INPP4A: variants seen among roughly 807,000 people sequenced by gnomAD.
INPP4A encodes the protein inositol polyphosphate-4-phosphatase, type I, 107kD.
In INPP4A, 33 loss-of-function variants were observed where a neutral mutation model predicts 119.8. The observed-to-expected ratio is 0.28, with a 90% CI of 0.21 to 0.37. The LOEUF is 0.37. Ranked by LOEUF, INPP4A falls within the 10% of genes least tolerant of loss-of-function variation. The probability of loss-of-function intolerance (pLI) is 1.00; values close to 1 mark genes in which losing one functional copy is unlikely to be tolerated. For missense variants in INPP4A, 956 were observed against 1,289.9 expected (o/e 0.74, Z 3.97); for synonymous variants, 496 against 500.7 (o/e 0.99, Z 0.12).
In INPP4A at chr2:98,546,182, C is replaced by T. The variant is rs2106101928; in HGVS notation, c.1054+109C>T. ...TGCCCATTTCCCTGTGTGCTCTGGGCGGCTCGGAGGAGAGATTTGTCACAA... is the reference window on the plus strand; with the variant it reads ...TGCCCATTTCCCTGTGTGCTCTGGGTGGCTCGGAGGAGAGATTTGTCACAA... On this transcript the variant is annotated intron_variant, in intron 12 of 24. Coordinates refer to ENST00000409851, the MANE Select transcript of INPP4A (RefSeq NM_001134225.2). This position sits in a 1 kb window ranked among gnomAD's most constrained non-coding sequence, Gnocchi z 4.2. The T allele has an allele frequency of 4.0e-6, 3 of 749,886 alleles. No individual in the cohort carries two copies. The highest frequency in any genetic ancestry group is 2.2e-6 in the Non-Finnish European group (1 of 449,528). The allele number at this position is 749,886 out of a possible 1,614,324, so 46.5% of individuals were successfully genotyped here.
chr2:98,539,405 C>A, intron 9 of INPP4A, 123 bp from the exon 10 acceptor site: 1 of 1,086,602 alleles, frequency 9.2e-7, no homozygotes, highest in Non-Finnish European at 1.3e-6. Flanking sequence ...TTTTAATTCC[C>A]ATGAGATGAA....
At position 98,520,558 on chromosome 2, in the gene INPP4A, TAAAG is replaced by T. The variant is rs1001925849; in HGVS notation, c.107-125_107-122del. 11 of 685,656 alleles carry T rather than the reference TAAAG, an allele frequency of 1.6e-5. 1 individual carries two copies. The highest frequency in any genetic ancestry group is 1.2e-4 in the South Asian group (7 of 57,986). The allele number at this position is 685,656 out of a possible 1,614,324, so 42.5% of individuals were successfully genotyped here. A position where few individuals can be genotyped will look rare whatever the true frequency, so the allele number is the denominator to read the frequency against. On this transcript the variant is annotated intron_variant, in intron 3 of 24. Transcript: ENST00000409851. ...TCTCAAAAACAAAATATTTTTAAAA[TAAAG>T]AAATTGTCTTGCATGGCAGTTTTTG...
At chr2:98,458,161 G>A (rs1438629497) in intron 1 of INPP4A, among the ~76,000 whole-genome samples, 4 of 151,980 alleles carry the variant, frequency 2.6e-5, no homozygotes, top group Non-Finnish European at 5.9e-5. Context: ...GCAAAATAGT[G>A]AAACTTCATC....
chr2:98,546,072 A>G lies in INPP4A; in HGVS notation c.1053A>G (p.Ser351=). ...TGAGAGTTCAAGACGATGGAGGATC[A>G]GGTACCTATTTTTCTGCTCCCTCTT... is the stretch of plus-strand genomic sequence containing the variant. ...QRMRVQDDGG[S]DQNYDIVTIG... is the part of the protein sequence containing the mutation. Residue 351 remains serine, a splice_region_variant and synonymous_variant, in exon 12 of 25, where the codon TCA becomes TCG. Coordinates refer to ENST00000409851, the MANE Select transcript of INPP4A (RefSeq NM_001134225.2). The surrounding 1 kb of genome is among the most constrained non-coding windows in gnomAD (Gnocchi z 4.2). 1 of 1,566,832 alleles carries G rather than the reference A, an allele frequency of 6.4e-7. No homozygotes were observed. The highest frequency in any genetic ancestry group is 8.7e-7 in the Non-Finnish European group (1 of 1,153,186).
rs1695881882 is a variant in INPP4A at position 98,563,591 on chromosome 2, C to T, written c.1982C>T (p.Thr661Ile). ...LMQDSAPTIATYLSLQYRRDV... is the reference protein window; with the variant it reads ...LMQDSAPTIAIYLSLQYRRDV... ...CAGGACAGCGCGCCCACCATAGCCA[C>T]CTACCTGAGCCTGCAGTACCGCCGT... Residue 661 changes from threonine (T) to isoleucine (I), a missense_variant, in exon 18 of 25, where the codon ACC (threonine) becomes ATC (isoleucine). By Grantham distance (89) the Thr-to-Ile change is moderately conservative. Transcript: ENST00000409851. 1.2e-6 allele frequency: 2 copies of T among 1,613,524 alleles called. No individual in the cohort carries two copies. Among genetic ancestry groups the T allele is most frequent in the Non-Finnish European group, 1.7e-6 (2 of 1,179,884 alleles).
Position 98,558,802 on chromosome 2 carries a change from A to T in INPP4A, c.1823-661A>T, listed in dbSNP as rs113034502. On this transcript the variant is annotated intron_variant, in intron 16 of 24. Transcript: ENST00000409851. ...ATTGAAGTAAGTACATCCCAGTGTG[A>T]CTTAGTATAGGTGAAATGGAATCAA... Among the ~76,000 whole-genome samples the T allele has an allele frequency of 3.0e-3, 450 of 152,378 alleles. 3 individuals carry two copies. Among genetic ancestry groups the T allele is most frequent in the Admixed American group, 9.1e-3 (139 of 15,304 alleles).
At chr2:98,567,763 A>G (rs2106376182) in intron 21 of INPP4A, among the ~76,000 whole-genome samples, 1 of 152,290 alleles carries the variant, frequency 6.6e-6, no homozygotes, top group African/African-American at 2.4e-5. Flanking sequence ...AGGGGAGGCC[A>G]CAGGCCCAGA....
intron 5 of INPP4A, among the ~76,000 whole-genome samples, 163 bp from the exon 6 acceptor site, chr2:98,535,566 G>A (rs537381189): frequency 2.0e-5 from 3 of 152,128 alleles, no homozygotes; most frequent in Admixed American, 6.5e-5. Context: ...GAGTTTTTTT[G>A]TTTGTTTGTT....
At chr2:98,454,927 G>A (rs1202673330) in intron 1 of INPP4A, among the ~76,000 whole-genome samples, 3 of 152,102 alleles carry the variant, frequency 2.0e-5, no homozygotes, top group Admixed American at 6.5e-5. Context: ...TTCATTCTTC[G>A]TGCTCTGTGT....
intron 1 of INPP4A, among the ~76,000 whole-genome samples, chr2:98,510,905 C>G (rs1282825369): frequency 6.6e-6 from 1 of 152,198 alleles, no homozygotes; most frequent in East Asian, 1.9e-4. Context: ...TGTCCATCAT[C>G]ACTGGCAGAC....
chr2:98,467,469 C>G (rs1675032058), intron 1 of INPP4A, among the ~76,000 whole-genome samples: 1 of 152,148 alleles, frequency 6.6e-6, no homozygotes, highest in Non-Finnish European at 1.5e-5. Flanking sequence ...TATTATGTTG[C>G]TGTTAAGACT....
chr2:98,514,077 A>G (rs1685642785), intron 1 of INPP4A, among the ~76,000 whole-genome samples: 1 of 152,236 alleles, frequency 6.6e-6, no homozygotes, highest in Admixed American at 6.5e-5. Flanking sequence ...ACTGTGGTAG[A>G]GAGTGGGTCA....
At chr2:98,471,178 G>T (rs1193749459) in intron 1 of INPP4A, among the ~76,000 whole-genome samples, 1 of 152,206 alleles carries the variant, frequency 6.6e-6, no homozygotes, top group Non-Finnish European at 1.5e-5. Flanking sequence ...TGGTGTGCCT[G>T]TGCGTGCATG....
At chr2:98,559,425 C>T in intron 16 of INPP4A, 38 bp from the exon 17 acceptor site, 1 of 1,613,134 alleles carries the variant, frequency 6.2e-7, no homozygotes, top group Non-Finnish European at 8.5e-7. Context: ...CTGTGTGCTG[C>T]TCCTTAATCA....
At chr2:98,524,022 T>C (rs796597617) in intron 4 of INPP4A, among the ~76,000 whole-genome samples, 4 of 152,328 alleles carry the variant, frequency 2.6e-5, no homozygotes, top group African/African-American at 7.2e-5. Context: ...TGGGATCTGC[T>C]TGATCATTTT....
At chr2:98,494,810 A>G (rs560406823) in intron 1 of INPP4A, among the ~76,000 whole-genome samples, 49 of 152,366 alleles carry the variant, frequency 3.2e-4, no homozygotes, top group African/African-American at 1.1e-3. Flanking sequence ...ATGTAGAACA[A>G]TGTATGCCCT....
chr2:98,475,830 G>A (rs1677090507), intron 1 of INPP4A, among the ~76,000 whole-genome samples: 1 of 152,184 alleles, frequency 6.6e-6, no homozygotes, highest in Non-Finnish European at 1.5e-5. Flanking sequence ...GGGGGAGCCT[G>A]TGTGTCCACC....
At chr2:98,459,378 T>C (rs888205404) in intron 1 of INPP4A, among the ~76,000 whole-genome samples, 2 of 152,080 alleles carry the variant, frequency 1.3e-5, no homozygotes, top group Non-Finnish European at 2.9e-5. Context: ...AAAAACAACA[T>C]GAAAGTAAGA....
At chr2:98,552,757 C>T (rs1365944959) in intron 13 of INPP4A, 29 bp from the exon 14 acceptor site, 1 of 1,546,580 alleles carries the variant, frequency 6.5e-7, no homozygotes, top group Non-Finnish European at 8.9e-7. Context: ...TCTGGAGAAT[C>T]CCTTAGAATC....
Sources: allele counts gnomAD v4.1 joint callset (sites outside exome capture counted in the v4.1 genomes callset), GRCh38; gene constraint gnomAD v4.1.1; non-coding constraint Gnocchi (gnomAD v3.1); transcripts MANE v1.5; gene names NCBI Gene and HGNC (gene_info 2026-07-23, HGNC 2026-07-21).